Variants in SLC25A13 observed in about 807,000 individuals in gnomAD.
The protein encoded by SLC25A13 is solute carrier family 25 member 13.
SLC25A13 carries 70 observed loss-of-function variants against 85.5 expected under a neutral mutation model. That is an observed-to-expected ratio of 0.82 (90% CI 0.68 to 1.00). SLC25A13 has a LOEUF of 1.00. SLC25A13 is among the 50% of genes least tolerant of loss of function. SLC25A13 has a pLI of 0.00. For missense variants in SLC25A13, 765 were observed against 819.8 expected, an observed-to-expected ratio of 0.93 and a Z score of 0.82; for synonymous variants, 259 against 288.7, an observed-to-expected ratio of 0.90 and a Z score of 1.04.
intron 13 of SLC25A13, among the ~76,000 whole-genome samples, chr7:96,147,890 G>A (rs1792868892): frequency 6.6e-6 from 1 of 151,250 alleles, no homozygotes; most frequent in Non-Finnish European, 1.5e-5. Flanking sequence ...CACCAAAGTG[G>A]TGCTTCTGAA....
intron 6 of SLC25A13, 82 bp downstream of exon 6, chr7:96,192,954 AC>A: frequency 1.4e-6 from 2 of 1,459,382 alleles, no homozygotes; most frequent in South Asian, 1.2e-5. Context: ...CAGAAAAAAA[AC>A]ACTACATAAC....
chr7:96,287,984 C>T (rs145669372), intron 2 of SLC25A13, among the ~76,000 whole-genome samples: 53 of 152,306 alleles, frequency 3.5e-4, no homozygotes, highest in African/African-American at 9.4e-4. Flanking sequence ...AATGCACATA[C>T]GAAGACCTTC....
At chr7:96,192,684 ATTTT>A (rs5885944) in intron 6 of SLC25A13, among the ~76,000 whole-genome samples, 32 of 143,450 alleles carry the variant, frequency 2.2e-4, no homozygotes, top group Admixed American at 2.8e-4. Flanking sequence ...CATGTGCACT[ATTTT>A]TTTTTTTTTT....
chr7:96,184,191 T>C, intron 11 of SLC25A13, 86 bp downstream of exon 11: 2 of 1,499,336 alleles, frequency 1.3e-6, no homozygotes, highest in Non-Finnish European at 1.9e-6. Flanking sequence ...TAACGCAGTC[T>C]TGCTAATTCA....
intron 11 of SLC25A13, among the ~76,000 whole-genome samples, chr7:96,173,485 T>C (rs1794092380): frequency 6.6e-6 from 1 of 152,266 alleles, no homozygotes; most frequent in Admixed American, 6.5e-5. Context: ...AATGTGTACC[T>C]GCATCTCACA....
At chr7:96,321,874 C>A in intron 1 of SLC25A13, 68 bp downstream of exon 1, 1 of 1,481,116 alleles carries the variant, frequency 6.8e-7, no homozygotes. Flanking sequence ...CACGTGAGCG[C>A]CCGAGCCTCT....
intron 3 of SLC25A13, 135 bp from the exon 4 acceptor site, chr7:96,235,052 T>C: frequency 1.6e-6 from 1 of 642,282 alleles, no homozygotes; most frequent in South Asian, 1.8e-5. Flanking sequence ...TTTATAAACA[T>C]TTAGCATTTA....
chr7:96,291,088 C>T (rs1211435931), intron 2 of SLC25A13, among the ~76,000 whole-genome samples: 2 of 152,138 alleles, frequency 1.3e-5, no homozygotes, highest in East Asian at 3.8e-4. Context: ...TCTCTCAGAC[C>T]ACAGTGCAAT....
chr7:96,138,706 A>T (rs1190014095), intron 14 of SLC25A13, among the ~76,000 whole-genome samples: 1 of 152,190 alleles, frequency 6.6e-6, no homozygotes, highest in Non-Finnish European at 1.5e-5. Context: ...TAAGGCAATG[A>T]TACTGTACAC....
At chr7:96,157,845 A>G (rs1793348837) in intron 13 of SLC25A13, among the ~76,000 whole-genome samples, 1 of 152,166 alleles carries the variant, frequency 6.6e-6, no homozygotes, top group African/African-American at 2.4e-5. Context: ...ATTTTAAGAA[A>G]TCAAATATTT....
intron 1 of SLC25A13, among the ~76,000 whole-genome samples, chr7:96,302,848 G>A (rs75684003): frequency 6.6e-6 from 1 of 152,170 alleles, no homozygotes; most frequent in African/African-American, 2.4e-5. Flanking sequence ...CAGAAACTGG[G>A]TGAGGCCCAG....
rs781183819 is a variant in SLC25A13 at position 96,219,709 on chromosome 7, A to G, written c.329-10732T>C. On this transcript the variant is annotated intron_variant, in intron 4 of 17. Transcript: ENST00000265631. ...GCCAGGGAGTCCACAGTTAACCAAC[A>G]TTCTACACTATTACAATGAGAACCC... 2.2e-5 allele frequency: 12 copies of G among 534,588 alleles called. No homozygotes were observed. In the African/African-American group the frequency reaches 2.3e-4, roughly 10 times the overall value. 33.1% of individuals were successfully genotyped at this position (534,588 alleles called of 1,614,324 possible).
At chr7:96,220,971 T>A (rs1447400075) in intron 4 of SLC25A13, among the ~76,000 whole-genome samples, 2 of 152,200 alleles carry the variant, frequency 1.3e-5, no homozygotes, top group Non-Finnish European at 2.9e-5. Context: ...TCTCAACAGG[T>A]CTGCCTTCTT....
intron 15 of SLC25A13, among the ~76,000 whole-genome samples, chr7:96,130,671 G>A (rs546117198): frequency 6.6e-5 from 10 of 152,278 alleles, no homozygotes; most frequent in African/African-American, 2.4e-4. Flanking sequence ...CATGAGTCAA[G>A]CTGGAATTAA....
intron 5 of SLC25A13, among the ~76,000 whole-genome samples, chr7:96,204,263 G>C (rs1562840700): frequency 6.6e-6 from 1 of 152,176 alleles, no homozygotes; most frequent in Non-Finnish European, 1.5e-5. Flanking sequence ...ACAGATATTA[G>C]TTATTGTAAC....
intron 13 of SLC25A13, among the ~76,000 whole-genome samples, chr7:96,157,622 G>A (rs373279128): frequency 6.6e-6 from 1 of 152,026 alleles, no homozygotes; most frequent in East Asian, 1.9e-4. Flanking sequence ...TGGCTGACAC[G>A]GCAAAATCCT....
chr7:96,201,416 G>A (rs1007578596), intron 5 of SLC25A13, among the ~76,000 whole-genome samples: 2 of 151,400 alleles, frequency 1.3e-5, no homozygotes, highest in Non-Finnish European at 2.9e-5. Flanking sequence ...AGAGGCTGAG[G>A]CAGGAGAATC....
intron 10 of SLC25A13, chr7:96,184,658 C>T (rs1437345076): frequency 1.6e-6 from 1 of 635,714 alleles, no homozygotes; most frequent in African/African-American, 1.8e-5. Flanking sequence ...TAAATTAAGG[C>T]ACATTGCTAC....
chr7:96,230,604 T>C (rs1204940446), intron 4 of SLC25A13, among the ~76,000 whole-genome samples: 1 of 152,228 alleles, frequency 6.6e-6, no homozygotes. Context: ...CCCTGTCATA[T>C]ACCTGTTGAT....
Sources: allele counts gnomAD v4.1 joint callset (sites outside exome capture counted in the v4.1 genomes callset), GRCh38; gene constraint gnomAD v4.1.1; transcripts MANE v1.5; gene names NCBI Gene and HGNC (gene_info 2026-07-23, HGNC 2026-07-21).